The following ROBO2 variants were observed in gnomAD, a reference collection of about 807,000 sequenced individuals.
ROBO2 encodes roundabout guidance receptor 2.
Under a neutral mutation model 160.8 loss-of-function variants are expected in ROBO2, and 53 were observed. That is an observed-to-expected ratio of 0.33 (90% CI 0.26 to 0.41). The LOEUF (loss-of-function observed/expected upper bound fraction) is 0.41, where lower values mean the gene tolerates loss of function less well. ROBO2 is among the 10% of genes least tolerant of loss of function. The pLI, the probability that ROBO2 is intolerant of heterozygous loss-of-function variation, is 1.00. For missense variants in ROBO2, 1,577 were observed against 1,722.4 expected, an observed-to-expected ratio of 0.92 and a Z score of 1.49; for synonymous variants, 664 against 611.7, an observed-to-expected ratio of 1.09 and a Z score of -1.26.
chr3:76,934,958 A>ATTTTTTTTTTTTTTT (rs151316771), intron 2 of ROBO2, among the ~76,000 whole-genome samples: 2 of 146,730 alleles, frequency 1.4e-5, no homozygotes, highest in Non-Finnish European at 1.5e-5. Context: ...AGGCTTCACA[A>ATTTTTTTTTTTTTTT]ATTTTTTTTT....
chr3:75,951,690 A>G (rs535248620), intron 2 of ROBO2, among the ~76,000 whole-genome samples: 1 of 152,166 alleles, frequency 6.6e-6, no homozygotes, highest in East Asian at 1.9e-4. Flanking sequence ...CTGATATCAG[A>G]AATATATGAA....
At chr3:76,519,629 T>G (rs1383223908) in intron 2 of ROBO2, among the ~76,000 whole-genome samples, 1 of 152,166 alleles carries the variant, frequency 6.6e-6, no homozygotes, top group East Asian at 1.9e-4. Flanking sequence ...CTCACTTTTG[T>G]ATACCCGGGG....
chr3:76,443,866 A>C (rs1265733075), intron 2 of ROBO2, among the ~76,000 whole-genome samples: 1 of 152,200 alleles, frequency 6.6e-6, no homozygotes, highest in East Asian at 1.9e-4. Context: ...GAAAAGTTAC[A>C]CATAAGGTTT....
At chr3:76,229,920 C>G (rs575837238) in intron 2 of ROBO2, among the ~76,000 whole-genome samples, 9 of 152,246 alleles carry the variant, frequency 5.9e-5, no homozygotes, top group Admixed American at 3.3e-4. Flanking sequence ...ACTGGTACCA[C>G]CCTGTGCTGA....
At chr3:76,055,670 T>G (rs2107839959) in intron 2 of ROBO2, among the ~76,000 whole-genome samples, 1 of 152,346 alleles carries the variant, frequency 6.6e-6, no homozygotes, top group Non-Finnish European at 1.5e-5. Context: ...AAGGGCATGA[T>G]TTTATTATTT....
chr3:76,858,220 G>A (rs1345325639), intron 2 of ROBO2, among the ~76,000 whole-genome samples: 2 of 152,096 alleles, frequency 1.3e-5, no homozygotes, highest in African/African-American at 2.4e-5. Context: ...GGGAGGACGG[G>A]CCATTATTAT....
intron 2 of ROBO2, among the ~76,000 whole-genome samples, chr3:76,225,383 A>AT (rs1704222864): frequency 6.6e-6 from 1 of 152,190 alleles, no homozygotes; most frequent in Non-Finnish European, 1.5e-5. Flanking sequence ...ATTGAATTAA[A>AT]TTGTATTCTT....
At chr3:77,579,655 C>A (rs2093861905) in intron 15 of ROBO2, among the ~76,000 whole-genome samples, 1 of 152,118 alleles carries the variant, frequency 6.6e-6, no homozygotes, top group South Asian at 2.1e-4. Context: ...ACTGTGCTTT[C>A]TAAATTACTC....
chr3:76,627,095 T>G (rs1232064055), intron 2 of ROBO2, among the ~76,000 whole-genome samples: 10 of 152,196 alleles, frequency 6.6e-5, no homozygotes, highest in Non-Finnish European at 1.3e-4. Flanking sequence ...GATGTGACAG[T>G]TACCCATTAT....
intron 2 of ROBO2, among the ~76,000 whole-genome samples, chr3:76,104,238 A>C (rs920298623): frequency 2.6e-5 from 4 of 152,234 alleles, no homozygotes; most frequent in Non-Finnish European, 5.9e-5. Context: ...TAGCTTTAGC[A>C]AATCTAAATA....
intron 2 of ROBO2, among the ~76,000 whole-genome samples, chr3:76,333,356 G>A (rs567769118): frequency 2.6e-5 from 4 of 152,118 alleles, no homozygotes; most frequent in South Asian, 2.1e-4. Context: ...TGTACGCAGC[G>A]TAAAGTCATG....
intron 2 of ROBO2, among the ~76,000 whole-genome samples, chr3:76,649,663 T>G (rs1199171381): frequency 6.6e-6 from 1 of 152,174 alleles, no homozygotes; most frequent in Non-Finnish European, 1.5e-5. Flanking sequence ...AAGTTTAAAA[T>G]ATAAGTTACT....
intron 2 of ROBO2, among the ~76,000 whole-genome samples, chr3:76,157,126 A>C (rs180942157): frequency 8.5e-5 from 13 of 152,354 alleles, no homozygotes; most frequent in Admixed American, 3.3e-4. Flanking sequence ...TTAGGTAGCC[A>C]ACTCCACCCA....
intron 2 of ROBO2, among the ~76,000 whole-genome samples, chr3:76,975,995 C>T (rs561630653): frequency 5.3e-5 from 8 of 152,112 alleles, no homozygotes; most frequent in African/African-American, 1.4e-4. Flanking sequence ...GATAATTGGA[C>T]GTACAGAGTC....
At chr3:77,219,162 G>T (rs1190236737) in intron 2 of ROBO2, among the ~76,000 whole-genome samples, 1 of 151,530 alleles carries the variant, frequency 6.6e-6, no homozygotes, top group Non-Finnish European at 1.5e-5. Flanking sequence ...AGAGATGGGG[G>T]TTTCACCATG....
At chr3:76,665,865 GTATATACGTATTATATATATAA>G (rs1354858939) in intron 2 of ROBO2, among the ~76,000 whole-genome samples, 2 of 138,340 alleles carry the variant, frequency 1.4e-5, no homozygotes, top group Admixed American at 7.3e-5. Flanking sequence ...GTACGTGTAT[GTATATACGTATTATATATATAA>G]TATATACATA....
chr3:76,241,799 T>C (rs1450447592), intron 2 of ROBO2, among the ~76,000 whole-genome samples: 1 of 152,166 alleles, frequency 6.6e-6, no homozygotes, highest in African/African-American at 2.4e-5. Flanking sequence ...GAGGAAAAAA[T>C]GTACTGTCTG....
intron 2 of ROBO2, among the ~76,000 whole-genome samples, chr3:75,998,575 G>A (rs1054672027): frequency 3.9e-5 from 6 of 152,118 alleles, no homozygotes; most frequent in Non-Finnish European, 8.8e-5. Flanking sequence ...TATATCCTAA[G>A]TATTTATATG....
intron 2 of ROBO2, among the ~76,000 whole-genome samples, chr3:76,964,694 A>G (rs1356537541): frequency 6.6e-6 from 1 of 152,198 alleles, no homozygotes; most frequent in Non-Finnish European, 1.5e-5. Context: ...AGGTCATTCC[A>G]TCTCTTCGAT....
Sources: allele counts gnomAD v4.1 joint callset (sites outside exome capture counted in the v4.1 genomes callset), GRCh38; gene constraint gnomAD v4.1.1; transcripts MANE v1.5; gene names NCBI Gene and HGNC (gene_info 2026-07-23, HGNC 2026-07-21).